The following PRKN variants were observed in gnomAD, a reference collection of about 807,000 sequenced individuals.
PRKN encodes parkin RBR E3 ubiquitin protein ligase.
In PRKN, 56 loss-of-function variants were observed where a neutral mutation model predicts 59.5. The ratio of observed to expected loss-of-function variants is 0.94; its 90% CI spans 0.76 to 1.18. The LOEUF is 1.18. PRKN is among the 50% of genes most tolerant of loss of function. PRKN has a pLI of 0.00. For missense variants in PRKN, 657 were observed against 596.4 expected (o/e 1.10, Z -1.06); for synonymous variants, 250 against 222.1 (o/e 1.13, Z -1.12).
chr6:162,692,773 A>C (rs908485589), intron 1 of PRKN, among the ~76,000 whole-genome samples: 1 of 152,182 alleles, frequency 6.6e-6, no homozygotes, highest in Non-Finnish European at 1.5e-5. Flanking sequence ...TTGAATCTGT[A>C]TCATTTTGCT....
intron 5 of PRKN, among the ~76,000 whole-genome samples, chr6:162,001,469 G>A (rs1444946133): frequency 6.6e-6 from 1 of 151,972 alleles, no homozygotes; most frequent in African/African-American, 2.4e-5. Context: ...CTGGTACAGA[G>A]GGAAGCAATT....
Position 161,545,136 on chromosome 6 carries a change from G to A in PRKN, c.1083+3718C>T, listed in dbSNP as rs1443609307. ...AATTTGGTTTTCAACTTTTTTATAC[G>A]CGATTTTTTTTGTAACAGCTAACAT... On this transcript the variant is annotated intron_variant, in intron 9 of 11. Coordinates refer to ENST00000366898, the MANE Select transcript of PRKN (RefSeq NM_004562.3). The surrounding 1 kb of genome is among the most constrained non-coding windows in gnomAD (Gnocchi z 4.1). The A allele has an allele frequency of 8.4e-5, 107 of 1,271,098 alleles. No individual in the cohort carries two copies. Among genetic ancestry groups the A allele is most frequent in the African/African-American group, 1.2e-4 (8 of 65,184 alleles). 78.7% of individuals were successfully genotyped at this position (1,271,098 alleles called of 1,614,324 possible). A position where few individuals can be genotyped will look rare whatever the true frequency, so the allele number is the denominator to read the frequency against.
At chr6:162,381,184 T>C (rs1185376083) in intron 2 of PRKN, among the ~76,000 whole-genome samples, 1 of 152,134 alleles carries the variant, frequency 6.6e-6, no homozygotes, top group Non-Finnish European at 1.5e-5. Context: ...GGGCATCGTC[T>C]CCATTGGAAG....
At chr6:162,707,610 T>A (rs1778383453) in intron 1 of PRKN, among the ~76,000 whole-genome samples, 1 of 151,122 alleles carries the variant, frequency 6.6e-6, no homozygotes, top group Non-Finnish European at 1.5e-5. Flanking sequence ...ACAGTCTGGC[T>A]GTCACCCAGG....
chr6:161,848,597 T>A (rs181672969), intron 6 of PRKN, among the ~76,000 whole-genome samples: 4 of 152,330 alleles, frequency 2.6e-5, no homozygotes, highest in African/African-American at 7.2e-5. Context: ...GGGTATGTCT[T>A]ACATCTAATG....
At chr6:162,289,080 G>A (rs774803609) in intron 2 of PRKN, among the ~76,000 whole-genome samples, 30 of 152,206 alleles carry the variant, frequency 2.0e-4, no homozygotes, top group Middle Eastern at 3.4e-3. Context: ...CACAAACTAG[G>A]GGTTTAAACA....
intron 2 of PRKN, among the ~76,000 whole-genome samples, chr6:162,335,312 G>T (rs1297559883): frequency 1.3e-5 from 2 of 152,066 alleles, no homozygotes; most frequent in African/African-American, 4.8e-5. Flanking sequence ...AAAGTGCTGG[G>T]ACTACAGGCA....
chr6:161,938,033 ACAACCTAGGTCAATATAAAATAAATTGGG>A (rs1245940759), intron 6 of PRKN, among the ~76,000 whole-genome samples: 7 of 152,360 alleles, frequency 4.6e-5, no homozygotes, highest in East Asian at 1.9e-4. Context: ...AAATAATTGG[ACAACCTAGGTCAATATAAAATAAATTGGG>A]CAACCTAGGT....
rs147339338 is a variant in PRKN, at chr6:161,464,810, C to T, written c.1084-77933G>A. The stretch of plus-strand genomic sequence containing the variant: ...GGTCTCTTATGAATCCCCAGTGAAA[C>T]GAATTAGTCAAATGTCAGGTAAAAC... On this transcript the variant is annotated intron_variant, in intron 9 of 11. Transcript: ENST00000366898. 8.1e-3 allele frequency among the ~76,000 whole-genome samples: 1,241 copies of T among 152,288 alleles called. 19 individuals carry two copies. Among genetic ancestry groups the T allele is most frequent in the African/African-American group, 0.028 (1,169 of 41,550 alleles).
At chr6:161,541,301 A>G (rs1369780117) in intron 9 of PRKN, among the ~76,000 whole-genome samples, 1 of 152,232 alleles carries the variant, frequency 6.6e-6, no homozygotes, top group Non-Finnish European at 1.5e-5. Context: ...AAAGGCTGCC[A>G]TGTCAGACAC....
At chr6:162,192,503 A>G (rs1489168117) in intron 4 of PRKN, among the ~76,000 whole-genome samples, 1 of 121,858 alleles carries the variant, frequency 8.2e-6, no homozygotes, top group African/African-American at 3.3e-5. Flanking sequence ...CTCAGGCTGG[A>G]ATGTGGTGGC....
intron 7 of PRKN, among the ~76,000 whole-genome samples, chr6:161,771,302 G>A (rs952417967): frequency 1.3e-5 from 2 of 150,232 alleles, no homozygotes; most frequent in East Asian, 2.0e-4. Flanking sequence ...CTTGCAGTGA[G>A]CCGAGATCGC....
intron 5 of PRKN, among the ~76,000 whole-genome samples, chr6:162,032,639 G>A (rs899652305): frequency 6.6e-6 from 1 of 152,150 alleles, no homozygotes; most frequent in South Asian, 2.1e-4. Context: ...GATGAAAAAA[G>A]CGAAGCTGAG....
intron 4 of PRKN, among the ~76,000 whole-genome samples, chr6:162,092,643 A>G (rs942818439): frequency 2.0e-5 from 3 of 152,226 alleles, no homozygotes; most frequent in African/African-American, 7.2e-5. Context: ...TGTAACTAAG[A>G]AATACACTAG....
chr6:162,186,297 AT>A (rs372252026), intron 4 of PRKN, among the ~76,000 whole-genome samples: 23 of 150,144 alleles, frequency 1.5e-4, no homozygotes, highest in African/African-American at 5.7e-4. Context: ...CACTGACATA[AT>A]TTTTTTAACA....
chr6:161,660,745 C>T lies in PRKN; in HGVS notation c.872-91329G>A, dbSNP rs190169746. 7.7e-4 allele frequency among the ~76,000 whole-genome samples: 117 copies of T among 152,294 alleles called. 1 individual carries two copies. The highest frequency in any genetic ancestry group is 1.2e-3 in the Non-Finnish European group (79 of 68,028). ...AGGTTTAGACCCTGCCTTTGCTCTG[C>T]GCACATGTCCTTCCCGATCTCATCC... On this transcript the variant is annotated intron_variant, in intron 7 of 11. Transcript: ENST00000366898.
Position 161,460,343 on chromosome 6 carries a change from G to T in PRKN, c.1084-73466C>A, listed in dbSNP as rs1790146925. Among the ~76,000 whole-genome samples, 1 of 152,136 alleles carries T rather than the reference G, an allele frequency of 6.6e-6. No homozygotes were observed. The highest frequency in any genetic ancestry group is 1.5e-5 in the Non-Finnish European group (1 of 68,028). On this transcript the variant is annotated intron_variant, in intron 9 of 11. Coordinates refer to ENST00000366898, the MANE Select transcript of PRKN (RefSeq NM_004562.3). This position sits in a 1 kb window ranked among gnomAD's most constrained non-coding sequence, Gnocchi z 5.0. The stretch of plus-strand genomic sequence containing the variant: ...GGTTAGATATTGCTTGGGAATAATG[G>T]GCAAAGGAGGTGCCATACTCCCTCT...
At chr6:161,666,467 C>A (rs545633245) in intron 7 of PRKN, among the ~76,000 whole-genome samples, 2 of 152,156 alleles carry the variant, frequency 1.3e-5, no homozygotes, top group Non-Finnish European at 2.9e-5. Flanking sequence ...TTTTCTTCCA[C>A]GGAAACTGGT....
At chr6:162,695,582 A>G (rs1034279620) in intron 1 of PRKN, among the ~76,000 whole-genome samples, 2 of 152,040 alleles carry the variant, frequency 1.3e-5, no homozygotes, top group African/African-American at 4.8e-5. Context: ...TTTTTAAAAA[A>G]CTCTTTATAC....
Sources: gnomAD v4.1 joint callset for allele counts (sites outside exome capture counted in the v4.1 genomes callset) on GRCh38, gnomAD v4.1.1 for gene constraint, Gnocchi (gnomAD v3.1) non-coding constraint, MANE v1.5 for transcripts, NCBI Gene and HGNC (gene_info 2026-07-23, HGNC 2026-07-21) for gene names.